MACROD2: variants seen among roughly 807,000 people sequenced by gnomAD.
MACROD2 encodes the protein mono-ADP ribosylhydrolase 2.
A neutral mutation model predicts 70.4 loss-of-function variants in MACROD2; 36 were observed. The ratio of observed to expected loss-of-function variants is 0.51; its 90% CI spans 0.39 to 0.68. The LOEUF (loss-of-function observed/expected upper bound fraction) is 0.68. Ranked by LOEUF, MACROD2 falls within the 30% of genes least tolerant of loss-of-function variation. MACROD2 has a pLI of 0.00. For missense variants in MACROD2, 496 were observed against 538.4 expected (o/e 0.92, Z 0.78); for synonymous variants, 172 against 178.8 (o/e 0.96, Z 0.30).
intron 3 of MACROD2, among the ~76,000 whole-genome samples, chr20:14,247,553 GGTTGGGT>G (rs2081977285): frequency 1.3e-5 from 2 of 152,296 alleles, no homozygotes; most frequent in South Asian, 4.1e-4. Flanking sequence ...TTGTTTTACA[GGTTGGGT>G]GTCCCTAATC....
At chr20:14,192,743 CG>C (rs954870546) in intron 3 of MACROD2, among the ~76,000 whole-genome samples, 1 of 152,090 alleles carries the variant, frequency 6.6e-6, no homozygotes, top group Admixed American at 6.6e-5. Context: ...TCTGTTTATG[CG>C]TAGTAATTTC....
chr20:15,313,334 G>A (rs995282056), intron 6 of MACROD2, among the ~76,000 whole-genome samples: 2 of 151,820 alleles, frequency 1.3e-5, no homozygotes, highest in Non-Finnish European at 1.5e-5. Context: ...ATGAAATCCT[G>A]TCTCTACTAA....
chr20:15,128,482 C>T (rs758581062), intron 5 of MACROD2, among the ~76,000 whole-genome samples: 4 of 151,810 alleles, frequency 2.6e-5, no homozygotes, highest in East Asian at 1.9e-4. Flanking sequence ...CCTTTTCTTC[C>T]CATCACACAA....
At chr20:15,119,519 C>T (rs1018701684) in intron 5 of MACROD2, among the ~76,000 whole-genome samples, 2 of 152,012 alleles carry the variant, frequency 1.3e-5, no homozygotes, top group African/African-American at 4.8e-5. Flanking sequence ...GTGATGTTAT[C>T]CTCACTTCAA....
intron 2 of MACROD2, among the ~76,000 whole-genome samples, chr20:14,031,904 A>G (rs866598282): frequency 5.3e-5 from 8 of 152,162 alleles, no homozygotes; most frequent in Non-Finnish European, 8.8e-5. Context: ...CAAAAACACT[A>G]TGAAGTAAAT....
At chr20:15,716,380 T>C (rs1049660411) in intron 8 of MACROD2, among the ~76,000 whole-genome samples, 1 of 152,196 alleles carries the variant, frequency 6.6e-6, no homozygotes, top group Non-Finnish European at 1.5e-5. Flanking sequence ...ATTCTAGATA[T>C]GTGTTCGCAT....
intron 3 of MACROD2, among the ~76,000 whole-genome samples, chr20:14,131,992 G>A (rs977174151): frequency 4.6e-5 from 7 of 151,962 alleles, no homozygotes; most frequent in Non-Finnish European, 8.8e-5. Flanking sequence ...TTAGCTGGGC[G>A]TGGTGGTGTG....
At chr20:14,436,435 G>C (rs146900628) in intron 3 of MACROD2, among the ~76,000 whole-genome samples, 5 of 152,226 alleles carry the variant, frequency 3.3e-5, no homozygotes, top group Non-Finnish European at 7.4e-5. Context: ...TAATTATGCT[G>C]TTTTCTTTGC....
chr20:15,883,021 C>T (rs978057067), intron 9 of MACROD2, among the ~76,000 whole-genome samples: 1 of 147,166 alleles, frequency 6.8e-6, no homozygotes, highest in South Asian at 2.2e-4. Context: ...TTACTACTGA[C>T]AAGATTCTTA....
chr20:15,622,113 A>T (rs546173385), intron 8 of MACROD2, among the ~76,000 whole-genome samples: 2 of 152,116 alleles, frequency 1.3e-5, no homozygotes, highest in South Asian at 2.1e-4. Context: ...TTCGTCTTGA[A>T]CGGAACAGTT....
intron 5 of MACROD2, among the ~76,000 whole-genome samples, chr20:15,023,485 C>G (rs540644696): frequency 6.6e-6 from 1 of 152,036 alleles, no homozygotes; most frequent in South Asian, 2.1e-4. Flanking sequence ...TGTTGATGAC[C>G]CAAGGTATTA....
At chr20:14,535,800 G>A (rs2085356955) in intron 4 of MACROD2, among the ~76,000 whole-genome samples, 1 of 152,132 alleles carries the variant, frequency 6.6e-6, no homozygotes, top group African/African-American at 2.4e-5. Flanking sequence ...TTAAGCATGA[G>A]AACTAACCTG....
chr20:14,846,525 AT>A (rs11429861), intron 5 of MACROD2, among the ~76,000 whole-genome samples: 75 of 149,048 alleles, frequency 5.0e-4, no homozygotes, highest in African/African-American at 1.8e-3. Flanking sequence ...TCACCTTTTA[AT>A]TTTTTTTTTG....
chr20:15,243,371 G>T (rs574099416), intron 6 of MACROD2, among the ~76,000 whole-genome samples: 4 of 152,270 alleles, frequency 2.6e-5, no homozygotes, highest in Admixed American at 6.5e-5. Flanking sequence ...AAAATACCTT[G>T]CTTCAAGTGA....
chr20:15,096,251 A>C (rs929933944), intron 5 of MACROD2, among the ~76,000 whole-genome samples: 1 of 152,020 alleles, frequency 6.6e-6, no homozygotes, highest in African/African-American at 2.4e-5. Flanking sequence ...CTCAAGGTGC[A>C]ATCATCAGTC....
chr20:14,706,783 C>A (rs1280414413), intron 5 of MACROD2, among the ~76,000 whole-genome samples: 1 of 152,108 alleles, frequency 6.6e-6, no homozygotes, highest in Non-Finnish European at 1.5e-5. Flanking sequence ...TGGCAGAAAG[C>A]AAGCACCGCC....
intron 3 of MACROD2, among the ~76,000 whole-genome samples, chr20:14,164,601 G>A (rs1167171017): frequency 6.6e-6 from 1 of 152,074 alleles, no homozygotes; most frequent in Non-Finnish European, 1.5e-5. Flanking sequence ...GGCTGGGTGG[G>A]CCTGTCTCCA....
At chr20:14,012,521 C>T (rs995606326) in intron 2 of MACROD2, among the ~76,000 whole-genome samples, 1 of 152,092 alleles carries the variant, frequency 6.6e-6, no homozygotes, top group African/African-American at 2.4e-5. Flanking sequence ...TTAATAATGA[C>T]TCTTAGGCTG....
chr20:14,809,432 A>G (rs551190449), intron 5 of MACROD2, among the ~76,000 whole-genome samples: 5 of 152,138 alleles, frequency 3.3e-5, no homozygotes, highest in African/African-American at 1.2e-4. Context: ...CACAGCTAAA[A>G]CAGTGTTTAG....
Sources: allele counts gnomAD v4.1 joint callset (sites outside exome capture counted in the v4.1 genomes callset), GRCh38; gene constraint gnomAD v4.1.1; transcripts MANE v1.5; gene names NCBI Gene and HGNC (gene_info 2026-07-23, HGNC 2026-07-21).